The following SMCHD1 variants were observed in gnomAD, a reference collection of about 807,000 sequenced individuals.
SMCHD1 encodes structural maintenance of chromosomes flexible hinge domain containing 1.
In SMCHD1, 78 loss-of-function variants were observed where a neutral mutation model predicts 254.7. The ratio of observed to expected loss-of-function variants is 0.31; its 90% CI spans 0.26 to 0.37. The LOEUF is 0.37. Ranked by LOEUF, SMCHD1 falls within the 10% of genes least tolerant of loss-of-function variation. The probability of loss-of-function intolerance (pLI) is 1.00; values close to 1 mark genes in which losing one functional copy is unlikely to be tolerated. For missense variants in SMCHD1, 1,840 were observed against 2,408.1 expected, an observed-to-expected ratio of 0.76 and a Z score of 4.94; for synonymous variants, 766 against 794.9, an observed-to-expected ratio of 0.96 and a Z score of 0.61.
At chr18:2,792,972 TG>T (rs1310565120) in intron 45 of SMCHD1, among the ~76,000 whole-genome samples, 4 of 152,186 alleles carry the variant, frequency 2.6e-5, no homozygotes, top group Non-Finnish European at 5.9e-5. Context: ...TCTTCCTGGG[TG>T]GGTTATTTGA....
chr18:2,684,627 TTTG>T (rs1319127118), intron 5 of SMCHD1, among the ~76,000 whole-genome samples: 1 of 152,058 alleles, frequency 6.6e-6, no homozygotes. Context: ...GTTTACCATC[TTTG>T]TTAATTTTTT....
At chr18:2,698,933 T>G (rs1413434160) in intron 10 of SMCHD1, among the ~76,000 whole-genome samples, 2 of 152,238 alleles carry the variant, frequency 1.3e-5, no homozygotes, top group Non-Finnish European at 2.9e-5. Context: ...ACATTTTCAC[T>G]ATTGTTCCTT....
chr18:2,746,563 C>T (rs1351958952), intron 29 of SMCHD1, among the ~76,000 whole-genome samples: 2 of 152,134 alleles, frequency 1.3e-5, no homozygotes, highest in East Asian at 3.9e-4. Context: ...CATAACTAAA[C>T]CAATCTCAAG....
rs1279473850 is a variant in SMCHD1, at chr18:2,729,263, T to A, written c.2914-12T>A. On this transcript the variant is annotated splice_polypyrimidine_tract_variant and intron_variant, in intron 23 of 47. Transcript: ENST00000320876. ...AATAGGGGTCTTACATTATTTTTCA[T>A]CTTTCAAATAGTTTTCAGGTGCTCC... 2 of 1,439,148 alleles carry A rather than the reference T, an allele frequency of 1.4e-6. No individual in the cohort carries two copies. The highest frequency in any genetic ancestry group is 9.1e-7 in the Non-Finnish European group (1 of 1,094,000). The allele number at this position is 1,439,148 out of a possible 1,614,324, so 89.1% of individuals were successfully genotyped here.
chr18:2,661,311 G>C (rs543125816), intron 1 of SMCHD1, among the ~76,000 whole-genome samples: 18 of 150,750 alleles, frequency 1.2e-4, no homozygotes, highest in African/African-American at 4.4e-4. Context: ...AAACCTGCAT[G>C]TTCTGCACAT....
chr18:2,759,122 G>A (rs2075734833), intron 34 of SMCHD1, among the ~76,000 whole-genome samples: 1 of 151,940 alleles, frequency 6.6e-6, no homozygotes, highest in African/African-American at 2.4e-5. Flanking sequence ...GTTTCTGTTG[G>A]TTTTCATTCT....
chr18:2,688,651 C>T lies in SMCHD1; in HGVS notation c.777C>T (p.Ser259=), dbSNP rs2074105353. The T allele has an allele frequency of 6.4e-7, 1 of 1,561,238 alleles. No homozygotes were observed. The highest frequency in any genetic ancestry group is 8.7e-7 in the Non-Finnish European group (1 of 1,153,010). The stretch of plus-strand genomic sequence containing the variant: ...AGATGATAAGCAAACCTGCAGATTC[C>T]CAAGATGTTCACGAGCTTGTGCTTT... ...SARMISKPAD[S]QDVHELVLSK... Residue 259 remains serine (S), a synonymous_variant, in exon 7 of 48, where the codon TCC becomes TCT. Transcript: ENST00000320876.
intron 3 of SMCHD1, chr18:2,673,054 G>A (rs939786464): frequency 3.0e-5 from 30 of 985,292 alleles, no homozygotes; most frequent in Non-Finnish European, 3.6e-5. Flanking sequence ...ATGGCTGGCT[G>A]ACTCATGCTG....
intron 47 of SMCHD1, chr18:2,801,181 GA>G (rs1270435565): frequency 6.6e-6 from 1 of 152,178 alleles, no homozygotes; most frequent in Non-Finnish European, 1.5e-5. Context: ...AAAATTCATT[GA>G]ATGCCCAGCA....
At chr18:2,745,642 T>TA (rs1219517829) in intron 29 of SMCHD1, among the ~76,000 whole-genome samples, 1 of 152,232 alleles carries the variant, frequency 6.6e-6, no homozygotes, top group African/African-American at 2.4e-5. Context: ...GATTGACTGT[T>TA]ACCTGGAACA....
At chr18:2,758,462 T>C (rs2143668194) in intron 34 of SMCHD1, among the ~76,000 whole-genome samples, 1 of 152,310 alleles carries the variant, frequency 6.6e-6, no homozygotes, top group South Asian at 2.1e-4. Context: ...ATGTTAAACC[T>C]ATCAAGGCAT....
At chr18:2,746,399 C>T (rs1054078067) in intron 29 of SMCHD1, among the ~76,000 whole-genome samples, 1 of 152,074 alleles carries the variant, frequency 6.6e-6, no homozygotes, top group African/African-American at 2.4e-5. Flanking sequence ...CTTAGACTGT[C>T]CTTTAAAGGT....
At chr18:2,783,883 T>A (rs997929517) in intron 44 of SMCHD1, among the ~76,000 whole-genome samples, 17 of 152,194 alleles carry the variant, frequency 1.1e-4, no homozygotes, top group Non-Finnish European at 2.4e-4. Context: ...AAGAATTTAA[T>A]TCTTAATTAA....
intron 41 of SMCHD1, among the ~76,000 whole-genome samples, chr18:2,775,488 T>A (rs1380757218): frequency 6.6e-6 from 1 of 151,364 alleles, no homozygotes; most frequent in African/African-American, 2.4e-5. Context: ...GAAGGAAAAA[T>A]TCCTAATATT....
Position 2,769,729 on chromosome 18 carries a change from T to C in SMCHD1, c.4755T>C (p.Asp1585=), listed in dbSNP as rs1305654045. The change falls in exon 38 of 48, where the codon GAT becomes GAC. Residue 1585 remains aspartate (D), a synonymous_variant. Coordinates refer to ENST00000320876, the MANE Select transcript of SMCHD1 (RefSeq NM_015295.3). The part of the protein sequence containing the change: ...LVLAESSPGR[D]STEYFIVFEP... ...TGGCAGAAAGTAGTCCTGGAAGGGATAGTACTGAATATTTTATTGTATTTG... is the reference window on the plus strand; with the variant it reads ...TGGCAGAAAGTAGTCCTGGAAGGGACAGTACTGAATATTTTATTGTATTTG... The C allele has an allele frequency of 1.9e-6, 3 of 1,602,052 alleles. No homozygotes were observed. The highest frequency in any genetic ancestry group is 2.6e-6 in the Non-Finnish European group (3 of 1,173,106).
At chr18:2,711,264 C>CT (rs148895802) in intron 17 of SMCHD1, among the ~76,000 whole-genome samples, 42,714 of 144,286 alleles carry the variant, frequency 0.3, 6,494 homozygotes, top group East Asian at 0.48. Context: ...CCATGGCTCC[C>CT]TTTTTTTTTT....
Position 2,804,605 on chromosome 18 carries a change from G to A in SMCHD1, c.*2053G>A, listed in dbSNP as rs2076415353. 6.6e-6 allele frequency: 1 copy of A among 152,114 alleles called. No individual in the cohort carries two copies. The highest frequency in any genetic ancestry group is 6.6e-5 in the Admixed American group (1 of 15,266). 9.4% of individuals were successfully genotyped at this position (152,114 alleles called of 1,614,324 possible). A position where few individuals can be genotyped will look rare whatever the true frequency, so the allele number is the denominator to read the frequency against. The stretch of plus-strand genomic sequence containing the variant: ...TTTCTACCCTGTAAAAATTAACTTT[G>A]TGGTTCCCAGTAATTACAGTAAGGA... On this transcript the variant is annotated 3_prime_UTR_variant, in exon 48 of 48. Transcript: ENST00000320876.
rs377444596 is a variant in SMCHD1 at position 2,796,537 on chromosome 18, C to G, written c.5993+16C>G. The stretch of plus-strand genomic sequence containing the variant: ...GACAAAATAGGTGAGTTTGTTTGAC[C>G]TGAGAATTATGCTTGGTTAGTTTAC... On this transcript the variant is annotated intron_variant, in intron 47 of 47. Transcript: ENST00000320876. The G allele has an allele frequency of 1.5e-5, 23 of 1,498,850 alleles. No homozygotes were observed. The highest frequency in any genetic ancestry group is 2.0e-5 in the Non-Finnish European group (22 of 1,091,322). The allele number at this position is 1,498,850 out of a possible 1,614,324, so 92.8% of individuals were successfully genotyped here.
rs1260425721 is a variant in SMCHD1, at chr18:2,802,574, C to T, written c.*22C>T. ...ATGAGAGGTGACAGAGAGAAGAGGCCATTGGTCTCAGTAAGAATGCCCTGC... is the reference window on the plus strand; with the variant it reads ...ATGAGAGGTGACAGAGAGAAGAGGCTATTGGTCTCAGTAAGAATGCCCTGC... On this transcript the variant is annotated 3_prime_UTR_variant, in exon 48 of 48. Coordinates refer to ENST00000320876, the MANE Select transcript of SMCHD1 (RefSeq NM_015295.3). 3.9e-6 allele frequency: 6 copies of T among 1,547,284 alleles called. No homozygotes were observed. The highest frequency in any genetic ancestry group is 5.2e-6 in the Non-Finnish European group (6 of 1,144,810).
Sources: gnomAD v4.1 joint callset for allele counts (sites outside exome capture counted in the v4.1 genomes callset) on GRCh38, gnomAD v4.1.1 for gene constraint, MANE v1.5 for transcripts, NCBI Gene and HGNC (gene_info 2026-07-23, HGNC 2026-07-21) for gene names.